ROBO1: variants seen among roughly 807,000 people sequenced by gnomAD.
ROBO1 encodes the protein roundabout guidance receptor 1, also known as roundabout homolog 1.
ROBO1 carries 149 observed loss-of-function variants against 195.9 expected under a neutral mutation model. That is an observed-to-expected ratio of 0.76 (90% CI 0.67 to 0.87). The LOEUF is 0.87. Ranked by LOEUF, ROBO1 falls within the 40% of genes least tolerant of loss-of-function variation. The pLI is 0.00. For synonymous variants in ROBO1, 816 were observed against 733.2 expected (o/e 1.11, Z -1.82); for missense variants, 1,933 against 2,068.3 (o/e 0.93, Z 1.27).
intron 1 of ROBO1, among the ~76,000 whole-genome samples, chr3:79,609,440 T>C (rs991228265): frequency 5.3e-5 from 8 of 151,952 alleles, no homozygotes; most frequent in Non-Finnish European, 8.8e-5. Flanking sequence ...GAAAACAGTA[T>C]GGCAAATTCC....
intron 2 of ROBO1, among the ~76,000 whole-genome samples, chr3:79,498,219 GTATTA>G (rs1280847062): frequency 6.6e-6 from 1 of 151,988 alleles, no homozygotes; most frequent in Non-Finnish European, 1.5e-5. Flanking sequence ...ACATTTTATT[GTATTA>G]TATCTGTTAT....
At chr3:78,645,452 G>GA (rs11427323) in intron 21 of ROBO1, among the ~76,000 whole-genome samples, 113,901 of 146,320 alleles carry the variant, frequency 0.78, 44,497 homozygotes, top group African/African-American at 0.86. Flanking sequence ...CTGTTTTGGA[G>GA]AAAAAAAAAA....
At chr3:79,034,364 C>G (rs180968177) in intron 3 of ROBO1, among the ~76,000 whole-genome samples, 1 of 152,032 alleles carries the variant, frequency 6.6e-6, no homozygotes, top group South Asian at 2.1e-4. Flanking sequence ...CACAGGATGG[C>G]CTGTTAGTCA....
In ROBO1 at chr3:78,679,147, A is replaced by T. The variant is rs542923541; in HGVS notation, c.1342+6599T>A. On this transcript the variant is annotated intron_variant, in intron 10 of 30. Transcript: ENST00000464233. ...ACAACACTTCATGCTAAAAACTCTC[A>T]ATAAATTAGGTATTGATGGGACGTA... is the stretch of plus-strand genomic sequence containing the variant. 3.1e-3 allele frequency among the ~76,000 whole-genome samples: 465 copies of T among 152,196 alleles called. 1 individual carries two copies. Among genetic ancestry groups the T allele is most frequent in the Non-Finnish European group, 5.3e-3 (363 of 67,994 alleles).
chr3:79,656,244 T>TG (rs1946153927), intron 1 of ROBO1, among the ~76,000 whole-genome samples: 1 of 152,078 alleles, frequency 6.6e-6, no homozygotes, highest in African/African-American at 2.4e-5. Context: ...TTTTTGCTTT[T>TG]TTTTTTTAAA....
intron 1 of ROBO1, among the ~76,000 whole-genome samples, chr3:79,674,827 CGTGTGTGTGTGTGTGT>C (rs151094387): frequency 3.2e-5 from 2 of 61,920 alleles, no homozygotes; most frequent in African/African-American, 7.8e-5. Flanking sequence ...TATTTATATC[CGTGTGTGTGTGTGTGT>C]GTGTGTGTGT....
intron 2 of ROBO1, among the ~76,000 whole-genome samples, chr3:79,287,486 GA>G (rs1400830864): frequency 6.6e-6 from 1 of 152,102 alleles, no homozygotes; most frequent in African/African-American, 2.4e-5. Flanking sequence ...CAAATATACT[GA>G]AAGTATACAC....
At chr3:79,535,227 C>T (rs6789778) in intron 2 of ROBO1, among the ~76,000 whole-genome samples, 99,994 of 151,962 alleles carry the variant, frequency 0.66, 32,885 homozygotes, top group East Asian at 0.68. Flanking sequence ...CATTTAGAAA[C>T]ACTAGGATGT....
At chr3:79,043,344 A>G (rs2078523753) in intron 3 of ROBO1, among the ~76,000 whole-genome samples, 1 of 152,160 alleles carries the variant, frequency 6.6e-6, no homozygotes, top group Non-Finnish European at 1.5e-5. Flanking sequence ...TCTCAGGCAT[A>G]GAAGGCATAC....
chr3:79,055,199 C>T (rs770644640), intron 3 of ROBO1, among the ~76,000 whole-genome samples: 7 of 152,084 alleles, frequency 4.6e-5, no homozygotes, highest in Non-Finnish European at 8.8e-5. Context: ...TTAAATTAAT[C>T]GTGTCTGCCA....
chr3:79,227,336 G>T (rs574706174), intron 2 of ROBO1, among the ~76,000 whole-genome samples: 10 of 152,232 alleles, frequency 6.6e-5, no homozygotes, highest in African/African-American at 2.2e-4. Flanking sequence ...GGTCTTCCTA[G>T]GCAGTTCCAT....
chr3:79,512,360 T>C (rs1940751298), intron 2 of ROBO1, among the ~76,000 whole-genome samples: 1 of 152,210 alleles, frequency 6.6e-6, no homozygotes, highest in Non-Finnish European at 1.5e-5. Context: ...ACCATTTTTT[T>C]GTGATTATGC....
intron 4 of ROBO1, among the ~76,000 whole-genome samples, chr3:78,820,573 G>C (rs1300808204): frequency 6.6e-6 from 1 of 152,172 alleles, no homozygotes; most frequent in Non-Finnish European, 1.5e-5. Flanking sequence ...GGTATTAATT[G>C]AGATTTTATT....
intron 1 of ROBO1, among the ~76,000 whole-genome samples, chr3:79,637,014 T>C (rs890997013): frequency 6.6e-6 from 1 of 152,184 alleles, no homozygotes; most frequent in Admixed American, 6.5e-5. Flanking sequence ...GGCTAACCCA[T>C]AACATGTGTG....
At chr3:78,681,497 A>C (rs921494729) in intron 10 of ROBO1, among the ~76,000 whole-genome samples, 10 of 152,212 alleles carry the variant, frequency 6.6e-5, no homozygotes, top group Admixed American at 1.3e-4. Flanking sequence ...ATAGGATGCA[A>C]TCTATGTTTA....
chr3:78,815,798 CTT>C (rs1219199840), intron 4 of ROBO1, among the ~76,000 whole-genome samples: 1 of 152,148 alleles, frequency 6.6e-6, no homozygotes, highest in African/African-American at 2.4e-5. Flanking sequence ...TTCTACTTCT[CTT>C]GTTATTTCCA....
At chr3:78,706,828 T>C (rs947763453) in intron 8 of ROBO1, among the ~76,000 whole-genome samples, 2 of 152,070 alleles carry the variant, frequency 1.3e-5, no homozygotes, top group African/African-American at 4.8e-5. Context: ...AAGTAGGATT[T>C]TGTGATGACT....
chr3:79,300,424 C>G (rs990953878), intron 2 of ROBO1, among the ~76,000 whole-genome samples: 1 of 152,208 alleles, frequency 6.6e-6, no homozygotes, highest in Non-Finnish European at 1.5e-5. Flanking sequence ...GCGCTGCGCT[C>G]GATTTCTCAC....
chr3:79,222,634 A>G (rs535297771), intron 2 of ROBO1, among the ~76,000 whole-genome samples: 1 of 151,994 alleles, frequency 6.6e-6, no homozygotes, highest in African/African-American at 2.4e-5. Flanking sequence ...TAAAAAAAAA[A>G]ACAGAAGGAC....
Sources: allele counts gnomAD v4.1 joint callset (sites outside exome capture counted in the v4.1 genomes callset), GRCh38; gene constraint gnomAD v4.1.1; transcripts MANE v1.5; gene names NCBI Gene and HGNC (gene_info 2026-07-23, HGNC 2026-07-21).